The following PLCH2 variants were observed in gnomAD, a reference collection of about 807,000 sequenced individuals.
The protein encoded by PLCH2 is 1-phosphatidylinositol 4,5-bisphosphate phosphodiesterase eta-2.
Under a neutral mutation model 134.7 loss-of-function variants are expected in PLCH2, and 98 were observed. The ratio of observed to expected loss-of-function variants is 0.73; its 90% CI spans 0.62 to 0.86. PLCH2 has a LOEUF of 0.86. PLCH2 is among the 40% of genes least tolerant of loss of function. The pLI is 0.00. For synonymous variants in PLCH2, 974 were observed against 827.5 expected, an observed-to-expected ratio of 1.18 and a Z score of -3.04; for missense variants, 1,994 against 1,986.6, an observed-to-expected ratio of 1.00 and a Z score of -0.07.
At chr1:2,502,448 C>A (rs571713446) in intron 21 of PLCH2, 39 bp downstream of exon 21, 1 of 1,533,290 alleles carries the variant, frequency 6.5e-7, no homozygotes. Context: ...GAGCCCTGTG[C>A]GAGTGCGGCC....
Position 2,444,765 on chromosome 1 carries a change from CT to C in PLCH2, c.115+14138del, listed in dbSNP as rs1639864086. On this transcript the variant is annotated intron_variant, in intron 2 of 3. Transcript: ENST00000609981. This position sits in a 1 kb window ranked among gnomAD's most constrained non-coding sequence, Gnocchi z 4.6. ...GACCACTGAGACCACTGGAACTGCCCTTCCCCCATGGCCTTCTCCCTCCAGG... is the reference window on the plus strand; with the variant it reads ...GACCACTGAGACCACTGGAACTGCCCTCCCCCATGGCCTTCTCCCTCCAGG... 6.6e-6 allele frequency among the ~76,000 whole-genome samples: 1 copy of C among 152,108 alleles called. No homozygotes were observed.
At position 2,498,481 on chromosome 1, in the gene PLCH2, C is replaced by T; in HGVS notation, c.2225-42C>T. 6.3e-7 allele frequency: 1 copy of T among 1,586,928 alleles called. No individual in the cohort carries two copies. Among genetic ancestry groups the T allele is most frequent in the Non-Finnish European group, 8.6e-7 (1 of 1,165,504 alleles). On this transcript the variant is annotated intron_variant, in intron 16 of 21. Transcript: ENST00000378486. The surrounding 1 kb of genome is among the most constrained non-coding windows in gnomAD (Gnocchi z 5.4). Reference sequence around the variant, plus strand: ...CATGCCCCAGCAAGCAGGGGGCTTGCTGAGGGCTGGGCCACTGACCACCTC... The same window carrying T: ...CATGCCCCAGCAAGCAGGGGGCTTGTTGAGGGCTGGGCCACTGACCACCTC...
Position 2,504,081 on chromosome 1 carries a change from A to T in PLCH2, c.3119A>T (p.Asn1040Ile). 6.5e-7 allele frequency: 1 copy of T among 1,548,320 alleles called. No homozygotes were observed. The highest frequency in any genetic ancestry group is 8.7e-7 in the Non-Finnish European group (1 of 1,147,096). ...CCATACCCCACAGGACCCGGAGCCA[A>T]TGTGGCAAGCCCCCTAGAGGACACT... ...RPPYPTGPGA[N>I]VASPLEDTEE... The change falls in exon 22 of 22, where the codon AAT (asparagine) becomes ATT (isoleucine). Residue 1040 changes from asparagine to isoleucine, a missense_variant. Transcript: ENST00000378486.
intron 2 of PLCH2, among the ~76,000 whole-genome samples, chr1:2,459,422 TTGCCGGTGG>T (rs1444418015): frequency 6.4e-5 from 5 of 78,422 alleles, no homozygotes; most frequent in East Asian, 5.8e-4. Flanking sequence ...GTGGTCCTCC[TTGCCGGTGG>T]TCCTCCTTGC....
exon 1 of PLCH2, chr1:2,467,512 C>G: frequency 2.5e-6 from 1 of 397,496 alleles, no homozygotes; most frequent in Non-Finnish European, 4.4e-6. Flanking sequence ...ATGGGCTCTG[C>G]GCGCGGGGTG....
intron 2 of PLCH2, among the ~76,000 whole-genome samples, chr1:2,442,475 A>T (rs538057561): frequency 6.5e-4 from 99 of 152,278 alleles, no homozygotes; most frequent in African/African-American, 2.3e-3. Context: ...CTTGGTGCCC[A>T]TCTCGGGCCT....
intron 4 of PLCH2, among the ~76,000 whole-genome samples, chr1:2,482,267 G>A (rs1159957936): frequency 2.0e-5 from 3 of 152,234 alleles, no homozygotes; most frequent in Non-Finnish European, 4.4e-5. Context: ...GGAGGGGGCC[G>A]CATCTCTGCC....
At position 2,489,870 on chromosome 1, in the gene PLCH2, G is replaced by A. The variant is rs1340075858; in HGVS notation, c.1515+3G>A. 6.2e-7 allele frequency: 1 copy of A among 1,605,086 alleles called. No homozygotes were observed. Among genetic ancestry groups the A allele is most frequent in the South Asian group, 1.1e-5 (1 of 90,902 alleles). On this transcript the variant is annotated splice_donor_region_variant and intron_variant, in intron 10 of 21. Transcript: ENST00000378486. Reference sequence around the variant, plus strand: ...ACTGCAAGCTCCTCAATGGGGATGTGAGTCGGGCTGGAGGTGGAGGGGGGC... The same window carrying A: ...ACTGCAAGCTCCTCAATGGGGATGTAAGTCGGGCTGGAGGTGGAGGGGGGC...
In PLCH2 at chr1:2,505,095, C is replaced by A. The variant is rs931625839; in HGVS notation, c.4133C>A (p.Thr1378Asn). ...GGACCCCCAGAAGAGGAGCGGGGCA[C>A]CCCCGAGGGCGCCTGCTCCGTGGGC... ...RQGPPEEERG[T>N]PEGACSVGHE... The change falls in exon 22 of 22, where the codon ACC becomes AAC. Residue 1378 changes from threonine (T) to asparagine (N), a missense_variant. Thr to Asn is a moderately conservative substitution (Grantham distance 65, BLOSUM62 0). Around this residue, in one of 2 missense-constraint regions of PLCH2, gnomAD observed 900 missense variants for 752.3 expected, o/e 1.20. Coordinates refer to ENST00000378486, the MANE Select transcript of PLCH2 (RefSeq NM_014638.4). 3 of 1,539,768 alleles carry A rather than the reference C, an allele frequency of 1.9e-6. No individual in the cohort carries two copies. Among genetic ancestry groups the A allele is most frequent in the Non-Finnish European group, 2.6e-6 (3 of 1,150,658 alleles).
intron 13 of PLCH2, among the ~76,000 whole-genome samples, chr1:2,496,053 G>A (rs1642865745): frequency 6.6e-6 from 1 of 152,012 alleles, no homozygotes; most frequent in Non-Finnish European, 1.5e-5. Flanking sequence ...CCGGACCCTG[G>A]GCTCCCCCCG....
upstream of PLCH2, among the ~76,000 whole-genome samples, chr1:2,423,883 C>T (rs377312985): frequency 5.9e-5 from 9 of 152,070 alleles, no homozygotes; most frequent in East Asian, 3.9e-4. Flanking sequence ...CAGCCCACCT[C>T]GTCGTGACGC....
At chr1:2,433,012 C>T (rs879453224) in intron 2 of PLCH2, among the ~76,000 whole-genome samples, 39 of 152,226 alleles carry the variant, frequency 2.6e-4, no homozygotes, top group Non-Finnish European at 5.4e-4. Flanking sequence ...AGTGCCCACC[C>T]TTTGCCCCCT....
rs531149172 is a variant in PLCH2 at position 2,456,104 on chromosome 1, T to G, written c.116-22372T>G. On this transcript the variant is annotated intron_variant, in intron 2 of 3. Coordinates refer to the PLCH2 transcript ENST00000609981. ...CGCCTGGGGCAGCATTGGCTGTGGG[T>G]GGCGGTGTTGATGCCGTTTGGGATG... is the stretch of plus-strand genomic sequence containing the variant. Among the ~76,000 whole-genome samples, 13 of 152,336 alleles carry G rather than the reference T, an allele frequency of 8.5e-5. No homozygotes were observed. In the East Asian group the frequency reaches 2.1e-3, roughly 25 times the overall value.
At chr1:2,473,944 C>T (rs1641474825), upstream of PLCH2, among the ~76,000 whole-genome samples, 1 of 152,250 alleles carries the variant, frequency 6.6e-6, no homozygotes, top group Non-Finnish European at 1.5e-5. Context: ...CTCAGGCTCA[C>T]GGGAGGGGCC....
At chr1:2,497,747 G>A (rs1005338536) in intron 16 of PLCH2, 138 bp downstream of exon 16, 1 of 581,454 alleles carries the variant, frequency 1.7e-6, no homozygotes, top group South Asian at 2.1e-5. Flanking sequence ...GGAGGGTCAG[G>A]TTGGGACGAA....
chr1:2,503,548 A>AC, intron 21 of PLCH2: 1 of 636,190 alleles, frequency 1.6e-6, no homozygotes, highest in Admixed American at 2.4e-5. Flanking sequence ...CCCGCCCCAC[A>AC]CCACCCTGCC....
intron 2 of PLCH2, among the ~76,000 whole-genome samples, chr1:2,450,333 G>A (rs1005466899): frequency 4.0e-5 from 6 of 151,878 alleles, no homozygotes; most frequent in African/African-American, 1.5e-4. Flanking sequence ...TGGGTGCCTC[G>A]TTAGCTCACC....
upstream of PLCH2, among the ~76,000 whole-genome samples, chr1:2,473,043 C>G (rs376632186): frequency 3.2e-3 from 484 of 152,260 alleles, 5 homozygotes; most frequent in African/African-American, 0.011. Context: ...CCGCGAGGCC[C>G]ATGCTGCCTG....
chr1:2,505,093 C>A lies in PLCH2; in HGVS notation c.4131C>A (p.Gly1377=), dbSNP rs1309128020. The A allele has an allele frequency of 1.3e-6, 2 of 1,539,606 alleles. No individual in the cohort carries two copies. The highest frequency in any genetic ancestry group is 2.2e-4 in the Middle Eastern group (1 of 4,630). Residue 1377 remains glycine (G), a synonymous_variant, in exon 22 of 22, where the codon GGC becomes GGA. Transcript: ENST00000378486. ...AGGGACCCCCAGAAGAGGAGCGGGG[C>A]ACCCCCGAGGGCGCCTGCTCCGTGG... ...GRQGPPEEER[G]TPEGACSVGH...
Sources: gnomAD v4.1 joint callset for allele counts (sites outside exome capture counted in the v4.1 genomes callset) on GRCh38, gnomAD v4.1.1 for gene constraint, gnomAD v4.1.1 regional missense constraint, Gnocchi (gnomAD v3.1) non-coding constraint, MANE v1.5 for transcripts, NCBI Gene and HGNC (gene_info 2026-07-23, HGNC 2026-07-21) for gene names.